The following XRN1 variants were observed in gnomAD, a reference collection of about 807,000 sequenced individuals.
XRN1 encodes 5'-3' exoribonuclease 1.
A neutral mutation model predicts 222.3 loss-of-function variants in XRN1; 67 were observed. The observed-to-expected ratio is 0.30, with a 90% CI of 0.25 to 0.37. The LOEUF (loss-of-function observed/expected upper bound fraction) is 0.37, where lower values mean the gene tolerates loss of function less well. XRN1 is among the 10% of genes least tolerant of loss of function. The pLI is 1.00. For missense variants in XRN1, 1,707 were observed against 2,000.2 expected (o/e 0.85, Z 2.80); for synonymous variants, 643 against 652.4 (o/e 0.99, Z 0.22).
At chr3:142,414,586 C>G (rs1165312784) in intron 13 of XRN1, among the ~76,000 whole-genome samples, 1 of 151,984 alleles carries the variant, frequency 6.6e-6, no homozygotes, top group Non-Finnish European at 1.5e-5. Context: ...AGCTCCACCT[C>G]CCGGGCTCAG....
chr3:142,422,882 A>G lies in XRN1; in HGVS notation c.751T>C (p.Leu251=). ...PEETTFHLLH[L]SLMREYIDYE... ...TCAATATACTCTCTCATTAAAGACAAGTGTAGAAGGTGAAATGTAGTTTCT... is the reference window on the plus strand; with the variant it reads ...TCAATATACTCTCTCATTAAAGACAGGTGTAGAAGGTGAAATGTAGTTTCT... Residue 251 remains leucine (L), a synonymous_variant, in exon 7 of 41, where the codon TTG becomes CTG. Coordinates refer to ENST00000392981, the MANE Select transcript of XRN1 (RefSeq NM_001282857.2). 1.9e-6 allele frequency: 3 copies of G among 1,612,720 alleles called. No individual in the cohort carries two copies. The highest frequency in any genetic ancestry group is 2.5e-6 in the Non-Finnish European group (3 of 1,179,042).
intron 19 of XRN1, among the ~76,000 whole-genome samples, chr3:142,398,368 T>C (rs2068006471): frequency 7.3e-6 from 1 of 137,866 alleles, no homozygotes; most frequent in South Asian, 2.3e-4. Context: ...ATCTACAAAG[T>C]TTTTTTTTTT....
intron 20 of XRN1, among the ~76,000 whole-genome samples, chr3:142,393,976 G>A (rs1382886586): frequency 5.9e-5 from 9 of 151,934 alleles, no homozygotes; most frequent in South Asian, 2.1e-4. Flanking sequence ...ACAGGCAGGC[G>A]CTGCCATGCC....
At chr3:142,397,606 T>A in intron 19 of XRN1, 146 bp from the exon 20 acceptor site, 1 of 506,308 alleles carries the variant, frequency 2.0e-6, no homozygotes, top group East Asian at 3.5e-5. Context: ...TACAAAACTA[T>A]AATAATTACA....
intron 20 of XRN1, among the ~76,000 whole-genome samples, chr3:142,389,534 C>T (rs556496949): frequency 3.6e-4 from 54 of 152,024 alleles, no homozygotes; most frequent in Non-Finnish European, 6.2e-4. Context: ...TCCATCAGAG[C>T]AGTCACTCAG....
intron 20 of XRN1, among the ~76,000 whole-genome samples, chr3:142,389,669 G>A (rs530413890): frequency 1.6e-4 from 25 of 152,148 alleles, no homozygotes; most frequent in African/African-American, 5.8e-4. Context: ...ACAGGTGTCC[G>A]CCACCACGCT....
intron 29 of XRN1, 69 bp downstream of exon 29, chr3:142,364,978 A>C: frequency 6.7e-7 from 1 of 1,482,862 alleles, no homozygotes; most frequent in Non-Finnish European, 9.0e-7. Context: ...GATATAAAAA[A>C]CAGACAAGCC....
At chr3:142,426,918 T>G in intron 2 of XRN1, 77 bp from the exon 3 acceptor site, 1 of 1,088,536 alleles carries the variant, frequency 9.2e-7, no homozygotes. Context: ...GCTATGTAGG[T>G]GCCTTTATAA....
At chr3:142,367,082 G>A (rs1389770713) in intron 27 of XRN1, among the ~76,000 whole-genome samples, 2 of 152,216 alleles carry the variant, frequency 1.3e-5, no homozygotes, top group Non-Finnish European at 2.9e-5. Context: ...GAAGTCAGGA[G>A]ATCAAGACCA....
At chr3:142,333,872 T>C (rs2065773532) in intron 34 of XRN1, among the ~76,000 whole-genome samples, 1 of 152,220 alleles carries the variant, frequency 6.6e-6, no homozygotes. Flanking sequence ...TCAATATAAC[T>C]GGTTTTCTCT....
At chr3:142,431,865 A>ATATAT (rs1169677747) in intron 2 of XRN1, among the ~76,000 whole-genome samples, 1 of 31,896 alleles carries the variant, frequency 3.1e-5, no homozygotes, top group Non-Finnish European at 4.9e-5. Flanking sequence ...ATTATATATA[A>ATATAT]TATATTATAT....
chr3:142,328,364 A>G (rs540357990), intron 37 of XRN1, among the ~76,000 whole-genome samples: 59 of 152,242 alleles, frequency 3.9e-4, no homozygotes, highest in African/African-American at 1.0e-3. Context: ...AGGAAAATTT[A>G]AAATTTTCTC....
chr3:142,419,808 C>CAA (rs749309289), intron 10 of XRN1, among the ~76,000 whole-genome samples: 5 of 111,974 alleles, frequency 4.5e-5, no homozygotes, highest in Non-Finnish European at 3.9e-5. Context: ...ATGCTGTCTC[C>CAA]AAAAAAAAAA....
chr3:142,417,032 A>G, intron 13 of XRN1, 108 bp downstream of exon 13: 2 of 822,274 alleles, frequency 2.4e-6, no homozygotes, highest in Non-Finnish European at 1.8e-6. Context: ...AAAAAAAAAA[A>G]AAAAATTACC....
intron 25 of XRN1, among the ~76,000 whole-genome samples, chr3:142,372,688 C>G (rs2067023597): frequency 6.6e-6 from 1 of 152,202 alleles, no homozygotes. Context: ...AGCAGCATTC[C>G]TGCTGCAAGG....
intron 29 of XRN1, among the ~76,000 whole-genome samples, chr3:142,361,791 T>C (rs1379290695): frequency 2.6e-5 from 4 of 152,092 alleles, no homozygotes; most frequent in African/African-American, 9.7e-5. Flanking sequence ...TTGGGTTAAG[T>C]TGTAAAAAAA....
At chr3:142,423,532 C>T (rs1257025893) in intron 6 of XRN1, 28 bp downstream of exon 6, 1 of 1,539,434 alleles carries the variant, frequency 6.5e-7, no homozygotes, top group Non-Finnish European at 8.8e-7. Context: ...TAATTTCTTT[C>T]TTCCAACATA....
At chr3:142,367,807 G>GT (rs1216747844) in intron 27 of XRN1, among the ~76,000 whole-genome samples, 2 of 152,016 alleles carry the variant, frequency 1.3e-5, no homozygotes, top group African/African-American at 4.8e-5. Flanking sequence ...AATTACAGCT[G>GT]TGAGTCACCG....
At chr3:142,367,251 C>T (rs779505594) in intron 27 of XRN1, among the ~76,000 whole-genome samples, 5 of 151,814 alleles carry the variant, frequency 3.3e-5, no homozygotes, top group Non-Finnish European at 5.9e-5. Context: ...TGCACCACTG[C>T]ACTCCAGCCT....
Sources: allele counts gnomAD v4.1 joint callset (sites outside exome capture counted in the v4.1 genomes callset), GRCh38; gene constraint gnomAD v4.1.1; transcripts MANE v1.5; gene names NCBI Gene and HGNC (gene_info 2026-07-23, HGNC 2026-07-21).